The following CTNNBIP1 variants were observed in gnomAD, a reference collection of about 807,000 sequenced individuals.
The protein encoded by CTNNBIP1 is catenin beta interacting protein 1, also known as beta-catenin-interacting protein 1.
A neutral mutation model predicts 11.8 loss-of-function variants in CTNNBIP1; 7 were observed. That is an observed-to-expected ratio of 0.60 (90% CI 0.34 to 1.12). The LOEUF is 1.12. Ranked by LOEUF, CTNNBIP1 falls within the 50% of genes most tolerant of loss-of-function variation. The probability of loss-of-function intolerance (pLI) is 0.03; values close to 1 mark genes in which losing one functional copy is unlikely to be tolerated. For missense variants in CTNNBIP1, 101 were observed against 113.4 expected, an observed-to-expected ratio of 0.89 and a Z score of 0.50; for synonymous variants, 58 against 43.9, an observed-to-expected ratio of 1.32 and a Z score of -1.26.
At position 9,851,788 on chromosome 1, in the gene CTNNBIP1, CA is replaced by C. The variant is rs2101419775; in HGVS notation, c.188-1013del. 6.6e-6 allele frequency among the ~76,000 whole-genome samples: 1 copy of C among 152,292 alleles called. No homozygotes were observed. Among genetic ancestry groups the C allele is most frequent in the South Asian group, 2.1e-4 (1 of 4,826 alleles). On this transcript the variant is annotated intron_variant, in intron 5 of 5. Transcript: ENST00000377263. The surrounding 1 kb of genome is among the most constrained non-coding windows in gnomAD (Gnocchi z 4.8). Reference sequence around the variant, plus strand: ...GATGAGTGGCCAGGACAGGCAGTGGCAGGAGGGCAAAGCTCGAAATGCTGAC... The same window carrying C: ...GATGAGTGGCCAGGACAGGCAGTGGCGGAGGGCAAAGCTCGAAATGCTGAC...
chr1:9,899,487 G>A (rs1427941783), intron 1 of CTNNBIP1, among the ~76,000 whole-genome samples: 17 of 137,586 alleles, frequency 1.2e-4, no homozygotes, highest in Non-Finnish European at 2.5e-4. Flanking sequence ...AATGACAGGC[G>A]CAGTGCCTCA....
intron 1 of CTNNBIP1, among the ~76,000 whole-genome samples, chr1:9,896,765 G>A (rs765599729): frequency 4.6e-5 from 7 of 152,126 alleles, no homozygotes; most frequent in South Asian, 4.1e-4. Context: ...TCAGGAGTTC[G>A]AGACCAGCCT....
intron 1 of CTNNBIP1, among the ~76,000 whole-genome samples, chr1:9,890,252 G>A (rs80071156): frequency 1.3e-5 from 2 of 152,268 alleles, no homozygotes; most frequent in Admixed American, 6.5e-5. Flanking sequence ...CAAACAGGAA[G>A]GCATGTGGAG....
chr1:9,862,754 C>T (rs1638657664), intron 5 of CTNNBIP1, among the ~76,000 whole-genome samples: 1 of 152,220 alleles, frequency 6.6e-6, no homozygotes, highest in South Asian at 2.1e-4. Flanking sequence ...GGTGGTCTCC[C>T]CTCCCTCAGC....
chr1:9,906,242 C>T (rs1056414803), intron 1 of CTNNBIP1, among the ~76,000 whole-genome samples: 1 of 152,164 alleles, frequency 6.6e-6, no homozygotes, highest in African/African-American at 2.4e-5. Context: ...GGTCTTGGTA[C>T]AAAGTCCATG....
rs779033337 is a variant in CTNNBIP1 at position 9,871,239 on chromosome 1, T to A, written c.135A>T (p.Ala45=). ...GGCTGAGCTGGCTGTTGACCACCCC[T>A]GCATAGGTGCGCAGGAACTCCTCCT... ...ASEEEFLRTY[A]GVVNSQLSQL... The change falls in exon 5 of 6, where the codon GCA becomes GCT. Residue 45 remains alanine (A), a synonymous_variant. Coordinates refer to ENST00000377263, the MANE Select transcript of CTNNBIP1 (RefSeq NM_020248.3). This position sits in a 1 kb window ranked among gnomAD's most constrained non-coding sequence, Gnocchi z 5.2. 6.3e-7 allele frequency: 1 copy of A among 1,581,430 alleles called. No individual in the cohort carries two copies. Among genetic ancestry groups the A allele is most frequent in the Non-Finnish European group, 8.6e-7 (1 of 1,164,506 alleles).
At chr1:9,875,767 A>G (rs984636217) in intron 3 of CTNNBIP1, among the ~76,000 whole-genome samples, 2 of 152,206 alleles carry the variant, frequency 1.3e-5, no homozygotes, top group African/African-American at 4.8e-5. Flanking sequence ...CTGGATCTGG[A>G]GCAGAAATGC....
intron 1 of CTNNBIP1, among the ~76,000 whole-genome samples, chr1:9,889,625 T>G (rs1033890017): frequency 2.0e-5 from 3 of 152,112 alleles, no homozygotes; most frequent in Admixed American, 6.6e-5. Context: ...CCGCCTGCAT[T>G]TCCTCTTCTC....
At chr1:9,875,068 C>T (rs1638937538) in intron 3 of CTNNBIP1, among the ~76,000 whole-genome samples, 2 of 152,140 alleles carry the variant, frequency 1.3e-5, no homozygotes, top group Non-Finnish European at 2.9e-5. Context: ...AACACAAAAG[C>T]GCCAGCGTTG....
Position 9,871,137 on chromosome 1 carries a change from G to C in CTNNBIP1, c.187+50C>G. ...CGCTTTCTAAGGGAACCACAAGTCG[G>C]TGCCCCTGGGACTTGTGCCACTGCC... On this transcript the variant is annotated intron_variant, in intron 5 of 5. Coordinates refer to ENST00000377263, the MANE Select transcript of CTNNBIP1 (RefSeq NM_020248.3). The surrounding 1 kb of genome is among the most constrained non-coding windows in gnomAD (Gnocchi z 5.2). The C allele has an allele frequency of 7.3e-7, 1 of 1,367,472 alleles. No homozygotes were observed. The highest frequency in any genetic ancestry group is 1.0e-6 in the Non-Finnish European group (1 of 992,106). 84.7% of individuals were successfully genotyped at this position (1,367,472 alleles called of 1,614,324 possible). A position where few individuals can be genotyped will look rare whatever the true frequency, so the allele number is the denominator to read the frequency against.
chr1:9,861,930 C>G (rs1180216802), intron 5 of CTNNBIP1, among the ~76,000 whole-genome samples: 1 of 152,222 alleles, frequency 6.6e-6, no homozygotes, highest in Non-Finnish European at 1.5e-5. Context: ...ACATCCACAG[C>G]ATAAAGCATC....
At position 9,908,783 on chromosome 1, in the gene CTNNBIP1, C is replaced by T. The variant is rs942387269; in HGVS notation, c.-144+1312G>A. Among the ~76,000 whole-genome samples the T allele has an allele frequency of 4.6e-5, 7 of 152,182 alleles. 1 individual carries two copies. Among genetic ancestry groups the T allele is most frequent in the Non-Finnish European group, 8.8e-5 (6 of 68,036 alleles). The stretch of plus-strand genomic sequence containing the variant: ...CTGACTTTCCTCCTCTTTAAAATGT[C>T]ATCTCTGAGGAGGGCAGAAACCGTG... On this transcript the variant is annotated intron_variant, in intron 1 of 5. Coordinates refer to ENST00000377263, the MANE Select transcript of CTNNBIP1 (RefSeq NM_020248.3).
intron 1 of CTNNBIP1, 56 bp downstream of exon 1, chr1:9,910,039 G>C (rs1278776561): frequency 6.7e-6 from 1 of 148,234 alleles, no homozygotes; most frequent in Non-Finnish European, 1.5e-5. Context: ...CCCAAGCCCC[G>C]GCGCGGCGCG....
At chr1:9,880,087 T>C (rs1274553582) in intron 2 of CTNNBIP1, among the ~76,000 whole-genome samples, 1 of 152,162 alleles carries the variant, frequency 6.6e-6, no homozygotes, top group South Asian at 2.1e-4. Context: ...GTTTTAAGAT[T>C]CGCATGCATT....
chr1:9,889,167 C>G (rs11586054), intron 1 of CTNNBIP1, among the ~76,000 whole-genome samples: 2 of 152,218 alleles, frequency 1.3e-5, no homozygotes, highest in African/African-American at 4.8e-5. Flanking sequence ...AGGACCTGCA[C>G]GCTGGACAGG....
intron 1 of CTNNBIP1, among the ~76,000 whole-genome samples, chr1:9,895,582 G>A (rs1336366331): frequency 1.3e-5 from 2 of 152,060 alleles, no homozygotes; most frequent in South Asian, 2.1e-4. Flanking sequence ...TGCAACCTCC[G>A]CCTCCCGGGT....
In CTNNBIP1 at chr1:9,867,973, G is replaced by T. The variant is rs568236204; in HGVS notation, c.187+3214C>A. ...AGCCCAGTATGGGACTGGGCTGATT[G>T]CAGTTCTGCTGTTATTGTTGTTGTG... On this transcript the variant is annotated intron_variant, in intron 5 of 5. Transcript: ENST00000377263. This position sits in a 1 kb window ranked among gnomAD's most constrained non-coding sequence, Gnocchi z 4.6. Among the ~76,000 whole-genome samples, 227 of 152,352 alleles carry T rather than the reference G, an allele frequency of 1.5e-3. No homozygotes were observed. The highest frequency in any genetic ancestry group is 2.5e-3 in the Non-Finnish European group (167 of 68,026).
At chr1:9,906,922 C>T (rs1639630545) in intron 1 of CTNNBIP1, among the ~76,000 whole-genome samples, 1 of 152,152 alleles carries the variant, frequency 6.6e-6, no homozygotes. Flanking sequence ...GAGATTCTGG[C>T]CTCAGAAAGC....
In CTNNBIP1 at chr1:9,849,804, C is replaced by G. The variant is rs992119998; in HGVS notation, c.*914G>C. On this transcript the variant is annotated 3_prime_UTR_variant, in exon 6 of 6. Transcript: ENST00000377263. ...CCAAGGGACGCTGGCTGGTTGCCAG[C>G]TCATGCAGGCAGTGCACATAAATCC... 6.6e-6 allele frequency: 1 copy of G among 152,316 alleles called. No homozygotes were observed. The highest frequency in any genetic ancestry group is 1.5e-5 in the Non-Finnish European group (1 of 68,118). 9.4% of individuals were successfully genotyped at this position (152,316 alleles called of 1,614,324 possible). A position where few individuals can be genotyped will look rare whatever the true frequency, so the allele number is the denominator to read the frequency against.
Sources: allele counts gnomAD v4.1 joint callset (sites outside exome capture counted in the v4.1 genomes callset), GRCh38; gene constraint gnomAD v4.1.1; non-coding constraint Gnocchi (gnomAD v3.1); transcripts MANE v1.5; gene names NCBI Gene and HGNC (gene_info 2026-07-23, HGNC 2026-07-21).